Variants in MRTFA observed in about 807,000 individuals in gnomAD.
MRTFA encodes myocardin related transcription factor A.
A neutral mutation model predicts 83.5 loss-of-function variants in MRTFA; 20 were observed. The observed-to-expected ratio is 0.24, with a 90% CI of 0.17 to 0.35. The LOEUF (loss-of-function observed/expected upper bound fraction) is 0.35, where lower values mean the gene tolerates loss of function less well. Among genes scored for constraint, MRTFA ranks in the 10% least tolerant of loss-of-function variants. The pLI is 1.00. For missense variants in MRTFA, 1,200 were observed against 1,224.7 expected (o/e 0.98, Z 0.30); for synonymous variants, 659 against 541.2 (o/e 1.22, Z -3.02).
At chr22:40,535,578 C>A (rs1346906706) in intron 3 of MRTFA, among the ~76,000 whole-genome samples, 1 of 151,984 alleles carries the variant, frequency 6.6e-6, no homozygotes, top group Non-Finnish European at 1.5e-5. Context: ...GTCTCGAACT[C>A]CTAAGCTCAA....
At chr22:40,421,772 C>G (rs930548564) in intron 9 of MRTFA, among the ~76,000 whole-genome samples, 1 of 152,024 alleles carries the variant, frequency 6.6e-6, no homozygotes, top group Admixed American at 6.6e-5. Context: ...CGCAGTTGGA[C>G]GAGGTGAGTT....
chr22:40,619,717 G>A (rs568693609), intron 1 of MRTFA, among the ~76,000 whole-genome samples: 3 of 151,620 alleles, frequency 2.0e-5, no homozygotes, highest in East Asian at 2.0e-4. Flanking sequence ...GTGAAACCCC[G>A]TCTCTACTAA....
chr22:40,416,239 C>T lies in MRTFA; in HGVS notation c.2578+747G>A, dbSNP rs2052676103. ...TCTCCCCCCACTTCATCCATAAAGA[C>T]ACCAACCTGGCTCTCTCCAAATGGG... On this transcript the variant is annotated intron_variant, in intron 14 of 14. Coordinates refer to ENST00000355630, the MANE Select transcript of MRTFA (RefSeq NM_020831.6). The surrounding 1 kb of genome is among the most constrained non-coding windows in gnomAD (Gnocchi z 4.2). Among the ~76,000 whole-genome samples, 1 of 152,198 alleles carries T rather than the reference C, an allele frequency of 6.6e-6. No homozygotes were observed. The highest frequency in any genetic ancestry group is 1.5e-5 in the Non-Finnish European group (1 of 68,024).
At chr22:40,459,912 A>C (rs2053680476) in intron 4 of MRTFA, among the ~76,000 whole-genome samples, 1 of 148,148 alleles carries the variant, frequency 6.8e-6, no homozygotes, top group East Asian at 2.0e-4. Context: ...AGCAGGAGAT[A>C]CAAGCATATA....
intron 3 of MRTFA, among the ~76,000 whole-genome samples, chr22:40,545,868 G>T (rs2147302573): frequency 6.6e-6 from 1 of 150,852 alleles, no homozygotes; most frequent in South Asian, 2.1e-4. Flanking sequence ...CAAGTAGCTG[G>T]GATTACAGGC....
intron 3 of MRTFA, among the ~76,000 whole-genome samples, chr22:40,495,507 C>T (rs1437111229): frequency 2.0e-5 from 3 of 150,328 alleles, no homozygotes. Context: ...ACCTGATATC[C>T]CAGCACTTTG....
At chr22:40,506,102 C>T (rs1286888041) in intron 3 of MRTFA, among the ~76,000 whole-genome samples, 3 of 151,982 alleles carry the variant, frequency 2.0e-5, no homozygotes, top group Non-Finnish European at 4.4e-5. Flanking sequence ...GGCATGGTAG[C>T]GGGCGCCTAT....
intron 3 of MRTFA, among the ~76,000 whole-genome samples, chr22:40,505,097 C>T (rs1195886775): frequency 1.3e-5 from 2 of 152,190 alleles, no homozygotes; most frequent in Non-Finnish European, 2.9e-5. Context: ...TTATCAGATA[C>T]TCACAGCATC....
chr22:40,521,643 T>C (rs1388370444), intron 3 of MRTFA, among the ~76,000 whole-genome samples: 1 of 151,576 alleles, frequency 6.6e-6, no homozygotes, highest in Admixed American at 6.6e-5. Flanking sequence ...GGACTATGTG[T>C]GCCCGCTACC....
intron 3 of MRTFA, among the ~76,000 whole-genome samples, chr22:40,497,946 C>T (rs2054384188): frequency 6.6e-6 from 1 of 151,926 alleles, no homozygotes; most frequent in Non-Finnish European, 1.5e-5. Flanking sequence ...CCAGTCTGGG[C>T]AACATGGCAA....
chr22:40,431,566 G>T, intron 5 of MRTFA, 86 bp from the exon 6 acceptor site: 1 of 1,276,304 alleles, frequency 7.8e-7, no homozygotes, highest in Non-Finnish European at 1.1e-6. Context: ...CCTTGGCCAT[G>T]GTAGCTGCTG....
At chr22:40,426,580 G>A (rs1169761565) in intron 7 of MRTFA, among the ~76,000 whole-genome samples, 1 of 152,110 alleles carries the variant, frequency 6.6e-6, no homozygotes, top group Non-Finnish European at 1.5e-5. Context: ...CAAACAAGCT[G>A]TGTTCAGCCA....
At chr22:40,483,282 TTCAAACTCCTGGTC>T (rs950422488) in intron 3 of MRTFA, among the ~76,000 whole-genome samples, 2 of 152,044 alleles carry the variant, frequency 1.3e-5, no homozygotes, top group African/African-American at 4.8e-5. Flanking sequence ...CCAGGTTGGT[TTCAAACTCCTGGTC>T]TCAAGCAATC....
At chr22:40,549,494 T>G (rs1404465090) in intron 3 of MRTFA, among the ~76,000 whole-genome samples, 2 of 152,232 alleles carry the variant, frequency 1.3e-5, no homozygotes, top group African/African-American at 4.8e-5. Context: ...TCCATTTTTA[T>G]AAGGTTTAAA....
At chr22:40,435,716 A>G (rs1294454549) in intron 4 of MRTFA, among the ~76,000 whole-genome samples, 162 bp from the exon 5 acceptor site, 2 of 152,060 alleles carry the variant, frequency 1.3e-5, no homozygotes, top group African/African-American at 4.8e-5. Flanking sequence ...GCAGATCACG[A>G]GGTCAGGAGA....
chr22:40,475,494 G>A (rs868373655), intron 3 of MRTFA, among the ~76,000 whole-genome samples: 1 of 151,928 alleles, frequency 6.6e-6, no homozygotes, highest in Middle Eastern at 3.2e-3. Context: ...CCGAAATTGT[G>A]CCCCTGCACT....
In MRTFA at chr22:40,489,258, C is replaced by T. The variant is rs1405118885; in HGVS notation, c.242-25972G>A. On this transcript the variant is annotated intron_variant, in intron 3 of 14. Coordinates refer to ENST00000355630, the MANE Select transcript of MRTFA (RefSeq NM_020831.6). ...CATCAGATATTCTTAATACTTTTAC[C>T]ATTTGAGGCAAAATCTGTTTCTCTT... Among the ~76,000 whole-genome samples, 4 of 152,020 alleles carry T rather than the reference C, an allele frequency of 2.6e-5. No individual in the cohort carries two copies. The East Asian group carries it at 7.7e-4, about 29-fold the overall frequency.
intron 3 of MRTFA, among the ~76,000 whole-genome samples, chr22:40,479,728 T>A (rs191608895): frequency 1.3e-5 from 2 of 152,118 alleles, no homozygotes; most frequent in Non-Finnish European, 2.9e-5. Context: ...ATATGGATGT[T>A]CAACCAGCAA....
At chr22:40,461,728 G>A (rs995588047) in intron 4 of MRTFA, among the ~76,000 whole-genome samples, 2 of 151,848 alleles carry the variant, frequency 1.3e-5, no homozygotes, top group African/African-American at 4.8e-5. Context: ...GAACCCGGGA[G>A]GCGGAGCTTG....
Sources: gnomAD v4.1 joint callset for allele counts (sites outside exome capture counted in the v4.1 genomes callset) on GRCh38, gnomAD v4.1.1 for gene constraint, Gnocchi (gnomAD v3.1) non-coding constraint, MANE v1.5 for transcripts, NCBI Gene and HGNC (gene_info 2026-07-23, HGNC 2026-07-21) for gene names.